Variants in CDH17 observed in about 807,000 individuals in gnomAD.
CDH17 encodes cadherin-17.
Under a neutral mutation model 86.3 loss-of-function variants are expected in CDH17, and 67 were observed. The observed-to-expected ratio is 0.78, with a 90% confidence interval of 0.64 to 0.95. The LOEUF (loss-of-function observed/expected upper bound fraction) is 0.95, where lower values mean the gene tolerates loss of function less well. Ranked by LOEUF, CDH17 falls within the 40% of genes least tolerant of loss-of-function variation. The pLI is 0.00. For missense variants in CDH17, 993 were observed against 1,017.6 expected (o/e 0.98, Z 0.33); for synonymous variants, 367 against 366.4 (o/e 1.00, Z -0.02).
At chr8:94,163,291 C>T (rs1813092610) in intron 10 of CDH17, among the ~76,000 whole-genome samples, 1 of 152,262 alleles carries the variant, frequency 6.6e-6, no homozygotes, top group Non-Finnish European at 1.5e-5. Flanking sequence ...GTTCCCTTTG[C>T]CCTCTGCAGC....
At chr8:94,146,306 C>A in intron 14 of CDH17, 139 bp from the exon 15 acceptor site, 2 of 673,768 alleles carry the variant, frequency 3.0e-6, no homozygotes, top group Non-Finnish European at 4.4e-6. Flanking sequence ...AATCAAAGAC[C>A]TAGTTTCATT....
intron 1 of CDH17, among the ~76,000 whole-genome samples, chr8:94,201,444 A>G (rs544940527): frequency 1.9e-4 from 29 of 152,168 alleles, no homozygotes; most frequent in Non-Finnish European, 3.4e-4. Context: ...ACAATGACTG[A>G]TGTCCTTCTA....
intron 1 of CDH17, chr8:94,202,986 G>A (rs1813950783): frequency 1.7e-5 from 5 of 290,528 alleles, no homozygotes; most frequent in Non-Finnish European, 2.6e-5. Flanking sequence ...CTTGCCACTG[G>A]CAAAGCCTTG....
chr8:94,176,307 A>G (rs1813369921), intron 5 of CDH17, among the ~76,000 whole-genome samples: 4 of 152,184 alleles, frequency 2.6e-5, no homozygotes, highest in African/African-American at 9.7e-5. Context: ...AAGGCACAGA[A>G]TAGCCTCTGA....
chr8:94,135,732 T>C (rs1275817696), intron 15 of CDH17, among the ~76,000 whole-genome samples: 55 of 152,306 alleles, frequency 3.6e-4, no homozygotes, highest in Non-Finnish European at 4.3e-4. Context: ...TTAATTGATA[T>C]AGTTTCTTCC....
intron 15 of CDH17, among the ~76,000 whole-genome samples, chr8:94,138,716 A>G (rs1252925947): frequency 6.6e-6 from 1 of 152,224 alleles, no homozygotes; most frequent in African/African-American, 2.4e-5. Flanking sequence ...GCCAGGAATC[A>G]TTCCTGGTCC....
intron 9 of CDH17, among the ~76,000 whole-genome samples, chr8:94,166,802 T>G (rs1476366133): frequency 6.6e-6 from 1 of 151,916 alleles, no homozygotes; most frequent in Non-Finnish European, 1.5e-5. Flanking sequence ...AAGCCAGAAG[T>G]TGGAGATAGG....
At chr8:94,161,657 T>A (rs931301915) in intron 11 of CDH17, among the ~76,000 whole-genome samples, 5 of 152,198 alleles carry the variant, frequency 3.3e-5, no homozygotes, top group African/African-American at 1.2e-4. Flanking sequence ...TCCCTTTCTC[T>A]TACCCAATTA....
At chr8:94,173,428 C>T (rs935254613) in intron 7 of CDH17, among the ~76,000 whole-genome samples, 2 of 152,180 alleles carry the variant, frequency 1.3e-5, no homozygotes, top group African/African-American at 4.8e-5. Context: ...GATGCTCCTG[C>T]TCCCCCTTTG....
intron 12 of CDH17, among the ~76,000 whole-genome samples, chr8:94,159,733 C>T (rs75979843): frequency 0.023 from 3,474 of 152,096 alleles, 131 homozygotes; most frequent in African/African-American, 0.079. Flanking sequence ...TTTTATATGA[C>T]GTTACCTCCC....
rs111833885 is a variant in CDH17 at position 94,178,343 on chromosome 8, A to G, written c.151-622T>C. ...TACTTTTATATATTTTTATTAAATT[A>G]AAAGCAATATCAAAGTTAGTATGGA... is the stretch of plus-strand genomic sequence containing the variant. On this transcript the variant is annotated intron_variant, in intron 3 of 17. Transcript: ENST00000027335. Among the ~76,000 whole-genome samples the G allele has an allele frequency of 6.4e-3, 980 of 152,260 alleles. 11 individuals are homozygous for G. Among genetic ancestry groups the G allele is most frequent in the African/African-American group, 0.022 (904 of 41,578 alleles).
intron 1 of CDH17, among the ~76,000 whole-genome samples, chr8:94,199,559 G>T (rs1457186661): frequency 6.6e-6 from 1 of 152,008 alleles, no homozygotes; most frequent in African/African-American, 2.4e-5. Context: ...TTGGTCAGAT[G>T]CTCAGAGAGA....
At chr8:94,160,294 C>T in intron 11 of CDH17, 132 bp from the exon 12 acceptor site, 1 of 638,852 alleles carries the variant, frequency 1.6e-6, no homozygotes, top group Non-Finnish European at 2.6e-6. Flanking sequence ...CATGTTTTTT[C>T]CTATTGATGA....
chr8:94,184,511 T>C (rs1296429060), intron 3 of CDH17, among the ~76,000 whole-genome samples: 1 of 152,190 alleles, frequency 6.6e-6, no homozygotes, highest in East Asian at 1.9e-4. Context: ...TTACATGAAA[T>C]GTCTAGAACA....
At chr8:94,204,359 C>T (rs1216253838) in intron 1 of CDH17, among the ~76,000 whole-genome samples, 1 of 152,112 alleles carries the variant, frequency 6.6e-6, no homozygotes, top group Admixed American at 6.6e-5. Flanking sequence ...CATGTGTTCT[C>T]ATTGTTAACT....
At chr8:94,185,813 C>T (rs547182361) in intron 3 of CDH17, among the ~76,000 whole-genome samples, 8 of 152,234 alleles carry the variant, frequency 5.3e-5, no homozygotes, top group South Asian at 4.1e-4. Flanking sequence ...AATTCTAACT[C>T]GTGAAAATCG....
At chr8:94,168,358 C>T (rs1351711329) in intron 9 of CDH17, among the ~76,000 whole-genome samples, 6 of 146,502 alleles carry the variant, frequency 4.1e-5, no homozygotes, top group African/African-American at 1.5e-4. Flanking sequence ...AGGCTGGTCT[C>T]GAACTCCTGG....
intron 13 of CDH17, among the ~76,000 whole-genome samples, chr8:94,149,548 A>C (rs1812818567): frequency 6.6e-6 from 1 of 152,136 alleles, no homozygotes; most frequent in Admixed American, 6.5e-5. Flanking sequence ...CTGAAGTAGT[A>C]GATGTTTAAG....
In CDH17 at chr8:94,148,729, TTTTTTTTTG is replaced by T; in HGVS notation, c.1927+6_1927+14del. The T allele has an allele frequency of 7.1e-7, 1 of 1,413,804 alleles. No homozygotes were observed. The highest frequency in any genetic ancestry group is 2.7e-5 in the East Asian group (1 of 36,692). The allele number at this position is 1,413,804 out of a possible 1,614,324, so 87.6% of individuals were successfully genotyped here. ...TGTGTTCCTTTTTTTTTGTTTTTTT[TTTTTTTTTG>T]CTTACCTACTTCTGTGGCCACCACT... On this transcript the variant is annotated splice_donor_region_variant and intron_variant, in intron 14 of 17. Transcript: ENST00000027335.
Sources: allele counts gnomAD v4.1 joint callset (sites outside exome capture counted in the v4.1 genomes callset), GRCh38; gene constraint gnomAD v4.1.1; transcripts MANE v1.5; gene names NCBI Gene and HGNC (gene_info 2026-07-23, HGNC 2026-07-21).